The following TUSC3 variants were observed in gnomAD, a reference collection of about 807,000 sequenced individuals.
The protein encoded by TUSC3 is dolichyl-diphosphooligosaccharide--protein glycosyltransferase subunit TUSC3.
In TUSC3, 45 loss-of-function variants were observed where a neutral mutation model predicts 44.8. The observed-to-expected ratio is 1.00, with a 90% CI of 0.79 to 1.29. The LOEUF is 1.29. TUSC3 is among the 50% of genes most tolerant of loss of function. TUSC3 has a pLI of 0.00. For missense variants in TUSC3, 519 were observed against 437.9 expected (o/e 1.19, Z -1.65); for synonymous variants, 212 against 152.9 (o/e 1.39, Z -2.85).
chr8:15,459,834 G>T (rs893891791), intron 1 of TUSC3, among the ~76,000 whole-genome samples: 4 of 103,550 alleles, frequency 3.9e-5, no homozygotes, highest in East Asian at 4.3e-4. Flanking sequence ...TATTCCATTT[G>T]TGTGTGTGTG....
chr8:15,846,101 A>G, the TUSC3 span, among the ~76,000 whole-genome samples: 5 of 152,156 alleles, frequency 3.3e-5, no homozygotes, highest in African/African-American at 7.2e-5. Context: ...CCATGATTCA[A>G]TTACCTCCCC....
At chr8:15,614,041 C>A (rs1246681148) in intron 1 of TUSC3, among the ~76,000 whole-genome samples, 1 of 147,642 alleles carries the variant, frequency 6.8e-6, no homozygotes, top group Non-Finnish European at 1.5e-5. Context: ...CGGTGGGGGT[C>A]TGAGTTAAGA....
At chr8:15,672,111 A>G (rs1807974680) in intron 5 of TUSC3, among the ~76,000 whole-genome samples, 1 of 152,042 alleles carries the variant, frequency 6.6e-6, no homozygotes. Context: ...ACCATCATGG[A>G]TGCAGGGGGA....
chr8:15,648,595 A>T (rs548422834), intron 2 of TUSC3, among the ~76,000 whole-genome samples: 2 of 151,622 alleles, frequency 1.3e-5, no homozygotes, highest in African/African-American at 4.8e-5. Context: ...GCGAGGTGGC[A>T]CACGCCTGTA....
At chr8:15,581,633 G>C (rs1206702044) in intron 1 of TUSC3, among the ~76,000 whole-genome samples, 1 of 149,750 alleles carries the variant, frequency 6.7e-6, no homozygotes, top group Admixed American at 6.7e-5. Context: ...GCTGCTTGGG[G>C]GTCAGGGGTC....
chr8:15,849,665 C>G, the TUSC3 span, among the ~76,000 whole-genome samples: 3 of 152,252 alleles, frequency 2.0e-5, no homozygotes, highest in South Asian at 6.2e-4. Flanking sequence ...TGTAAGAATG[C>G]CTACAGGGTA....
intron 1 of TUSC3, among the ~76,000 whole-genome samples, chr8:15,582,911 A>G (rs1391192139): frequency 6.6e-6 from 1 of 152,202 alleles, no homozygotes; most frequent in Non-Finnish European, 1.5e-5. Context: ...CTTCAGACAT[A>G]CTGAAGACCA....
chr8:15,433,142 AT>A (rs2129117137), intron 1 of TUSC3, among the ~76,000 whole-genome samples: 1 of 152,124 alleles, frequency 6.6e-6, no homozygotes, highest in South Asian at 2.1e-4. Flanking sequence ...ATTGTTTCAG[AT>A]TTTTATTATA....
chr8:15,718,773 T>C (rs1481934481), intron 6 of TUSC3, among the ~76,000 whole-genome samples: 4 of 152,120 alleles, frequency 2.6e-5, no homozygotes, highest in Non-Finnish European at 4.4e-5. Context: ...TGGTCTATAT[T>C]TGTATTACTA....
intron 2 of TUSC3, among the ~76,000 whole-genome samples, chr8:15,524,373 A>G (rs1801345026): frequency 6.6e-6 from 1 of 152,136 alleles, no homozygotes; most frequent in Non-Finnish European, 1.5e-5. Context: ...ATGGAAAGGA[A>G]TTGTGATGTA....
intron 2 of TUSC3, among the ~76,000 whole-genome samples, chr8:15,637,597 T>C (rs1327727850): frequency 6.6e-6 from 1 of 152,196 alleles, no homozygotes; most frequent in Non-Finnish European, 1.5e-5. Context: ...TTATTCTTTC[T>C]GATTTATTTT....
intron 1 of TUSC3, among the ~76,000 whole-genome samples, chr8:15,449,273 C>T (rs980186214): frequency 1.5e-4 from 23 of 152,264 alleles, no homozygotes; most frequent in African/African-American, 5.1e-4. Flanking sequence ...AAGGAATGGG[C>T]ACATGTGCAA....
chr8:15,735,938 C>G (rs1204383967), intron 7 of TUSC3, among the ~76,000 whole-genome samples: 2 of 151,302 alleles, frequency 1.3e-5, no homozygotes, highest in Admixed American at 6.6e-5. Context: ...CTGTGTTAGC[C>G]AGGATGGTCT....
the TUSC3 span, among the ~76,000 whole-genome samples, chr8:15,812,981 C>T: frequency 6.6e-6 from 1 of 152,044 alleles, no homozygotes; most frequent in South Asian, 2.1e-4. Context: ...GTAGTCCCAG[C>T]TACTCAGGAG....
At chr8:15,556,229 C>T (rs562692103) in intron 1 of TUSC3, among the ~76,000 whole-genome samples, 113 of 142,590 alleles carry the variant, frequency 7.9e-4, no homozygotes, top group African/African-American at 2.7e-3. Context: ...ATTGTTCAGT[C>T]CCCACCTATG....
intron 1 of TUSC3, among the ~76,000 whole-genome samples, chr8:15,480,100 G>C (rs1800637938): frequency 6.6e-6 from 1 of 152,148 alleles, no homozygotes; most frequent in South Asian, 2.1e-4. Context: ...CAAGGAAAGT[G>C]AAGGACCTCT....
At chr8:15,668,567 A>G (rs1025521177) in intron 5 of TUSC3, among the ~76,000 whole-genome samples, 1 of 151,828 alleles carries the variant, frequency 6.6e-6, no homozygotes, top group Non-Finnish European at 1.5e-5. Flanking sequence ...TCAGATATGT[A>G]TATCAGTAAC....
intron 1 of TUSC3, among the ~76,000 whole-genome samples, chr8:15,418,065 C>G (rs1049601121): frequency 2.6e-5 from 4 of 152,054 alleles, no homozygotes; most frequent in African/African-American, 9.7e-5. Flanking sequence ...ATTTCATACT[C>G]AATAAAAAAG....
chr8:15,744,038 G>A (rs1445684975), intron 8 of TUSC3, among the ~76,000 whole-genome samples: 2 of 152,170 alleles, frequency 1.3e-5, no homozygotes, highest in African/African-American at 4.8e-5. Context: ...TTCTGCATAG[G>A]TATTGTACAG....
Sources: gnomAD v4.1 joint callset for allele counts (sites outside exome capture counted in the v4.1 genomes callset) on GRCh38, gnomAD v4.1.1 for gene constraint, MANE v1.5 for transcripts, NCBI Gene and HGNC (gene_info 2026-07-23, HGNC 2026-07-21) for gene names.